Variants in RPIA observed in about 807,000 individuals in gnomAD.
RPIA encodes the protein ribose 5-phosphate isomerase A.
A neutral mutation model predicts 37.8 loss-of-function variants in RPIA; 29 were observed. The ratio of observed to expected loss-of-function variants is 0.77; its 90% confidence interval spans 0.57 to 1.05. The LOEUF is 1.05. RPIA is among the 50% of genes least tolerant of loss of function. RPIA has a pLI of 0.00. For missense variants in RPIA, 385 were observed against 413.6 expected (o/e 0.93, Z 0.60); for synonymous variants, 167 against 157.0 (o/e 1.06, Z -0.48).
chr2:88,698,107 A>G (rs1428288486), intron 1 of RPIA, among the ~76,000 whole-genome samples: 1 of 139,074 alleles, frequency 7.2e-6, no homozygotes. Flanking sequence ...TTTTAAACAC[A>G]CTGTTGCTGG....
At chr2:88,739,270 T>C (rs1413916354) in intron 8 of RPIA, among the ~76,000 whole-genome samples, 1 of 152,196 alleles carries the variant, frequency 6.6e-6, no homozygotes, top group Non-Finnish European at 1.5e-5. Context: ...TTCAGGCCAG[T>C]TTAATGGAGC....
intron 3 of RPIA, among the ~76,000 whole-genome samples, chr2:88,704,798 A>G (rs1298505245): frequency 6.6e-6 from 1 of 152,232 alleles, no homozygotes; most frequent in Non-Finnish European, 1.5e-5. Flanking sequence ...TGCAGATGAC[A>G]TGATTCTGTA....
chr2:88,728,872 A>G (rs1190259331), intron 3 of RPIA, among the ~76,000 whole-genome samples: 3 of 152,232 alleles, frequency 2.0e-5, no homozygotes, highest in Non-Finnish European at 4.4e-5. Flanking sequence ...GTGTCCATTC[A>G]TAATGATCTT....
chr2:88,721,944 G>A (rs561356204), intron 3 of RPIA, among the ~76,000 whole-genome samples: 1 of 145,186 alleles, frequency 6.9e-6, no homozygotes, highest in East Asian at 2.0e-4. Flanking sequence ...ATTATAATTT[G>A]TGTTTAATTA....
chr2:88,742,106 T>C (rs2104143626), intron 8 of RPIA, among the ~76,000 whole-genome samples: 1 of 152,344 alleles, frequency 6.6e-6, no homozygotes, highest in African/African-American at 2.4e-5. Context: ...GCTTTTGGGT[T>C]CTTCGTCATG....
At chr2:88,741,587 C>A (rs1236885831) in intron 8 of RPIA, among the ~76,000 whole-genome samples, 1 of 152,146 alleles carries the variant, frequency 6.6e-6, no homozygotes, top group Non-Finnish European at 1.5e-5. Flanking sequence ...TGGGTAGATA[C>A]CCAGTAGTGG....
chr2:88,745,293 A>G (rs1673427298), intron 8 of RPIA, among the ~76,000 whole-genome samples: 1 of 152,150 alleles, frequency 6.6e-6, no homozygotes, highest in Non-Finnish European at 1.5e-5. Context: ...ATATTGAGAT[A>G]TGAGGTATTA....
intron 3 of RPIA, among the ~76,000 whole-genome samples, chr2:88,706,999 G>A (rs1672905952): frequency 6.6e-6 from 1 of 152,222 alleles, no homozygotes; most frequent in Non-Finnish European, 1.5e-5. Flanking sequence ...AGGAAGAAGA[G>A]GGTTCATATG....
At chr2:88,734,840 A>G (rs1673296199) in intron 5 of RPIA, among the ~76,000 whole-genome samples, 1 of 152,126 alleles carries the variant, frequency 6.6e-6, no homozygotes, top group African/African-American at 2.4e-5. Flanking sequence ...CATTCATCGT[A>G]ATGGATTCTC....
Position 88,691,913 on chromosome 2 carries a change from C to T in RPIA, c.215C>T (p.Pro72Leu). The change falls in exon 1 of 9, where the codon CCC (proline) becomes CTC (leucine). Residue 72 changes from proline (P) to leucine (L), a missense_variant. Physicochemically the swap from Pro to Leu is moderately conservative, Grantham distance 98. This residue lies in a region of RPIA where 232 missense variants were observed against 203.0 expected (regional missense o/e 1.14). Transcript: ENST00000283646. ...CGDSNSICPA[P>L]STMSKAEEAK... The stretch of plus-strand genomic sequence containing the variant: ...GACTCCAACAGCATCTGCCCGGCCC[C>T]CTCCACGATGTCCAAGGCCGAGGAG... The T allele has an allele frequency of 1.3e-6, 2 of 1,595,280 alleles. No individual in the cohort carries two copies. Among genetic ancestry groups the T allele is most frequent in the Non-Finnish European group, 1.7e-6 (2 of 1,171,792 alleles).
intron 3 of RPIA, among the ~76,000 whole-genome samples, chr2:88,709,615 A>C (rs1298386165): frequency 1.3e-5 from 2 of 152,248 alleles, no homozygotes; most frequent in African/African-American, 4.8e-5. Flanking sequence ...AAGGCAAAAC[A>C]AGTCTGTTGT....
At chr2:88,702,774 A>G (rs867072041) in intron 3 of RPIA, among the ~76,000 whole-genome samples, 1 of 152,204 alleles carries the variant, frequency 6.6e-6, no homozygotes. Context: ...TGCCTTCCCA[A>G]TAGTCCCCAA....
intron 8 of RPIA, among the ~76,000 whole-genome samples, chr2:88,747,229 G>A (rs1233947687): frequency 6.6e-6 from 1 of 152,116 alleles, no homozygotes; most frequent in African/African-American, 2.4e-5. Context: ...CAGGGAAGTA[G>A]GAGAAAGCCG....
In RPIA at chr2:88,749,601, T is replaced by C. The variant is rs192170468; in HGVS notation, c.839-380T>C. ...ATAACTGGTAGTGGGGCTCCTTGGC[T>C]GGAGTAGTCATGGAGGGTCTCTAGA... On this transcript the variant is annotated intron_variant, in intron 8 of 8. Transcript: ENST00000283646. Among the ~76,000 whole-genome samples the C allele has an allele frequency of 1.8e-3, 274 of 152,332 alleles. 2 individuals carry two copies. The highest frequency in any genetic ancestry group is 6.5e-3 in the African/African-American group (270 of 41,584).
At chr2:88,703,027 C>T (rs986559171) in intron 3 of RPIA, among the ~76,000 whole-genome samples, 6 of 152,174 alleles carry the variant, frequency 3.9e-5, no homozygotes, top group African/African-American at 7.2e-5. Context: ...AATCTTAAAG[C>T]GCCAAAATGA....
intron 3 of RPIA, among the ~76,000 whole-genome samples, chr2:88,715,370 A>T (rs1479167019): frequency 6.6e-6 from 1 of 152,258 alleles, no homozygotes; most frequent in African/African-American, 2.4e-5. Flanking sequence ...TGAAAAAATC[A>T]TAAGCAATTC....
intron 3 of RPIA, among the ~76,000 whole-genome samples, chr2:88,713,127 T>A (rs1178563380): frequency 1.4e-5 from 2 of 143,726 alleles, no homozygotes; most frequent in African/African-American, 5.1e-5. Context: ...TATATTTTTT[T>A]TTTTTTTTTC....
chr2:88,740,829 GT>G (rs1176325689), intron 8 of RPIA, among the ~76,000 whole-genome samples: 1 of 152,120 alleles, frequency 6.6e-6, no homozygotes, highest in Non-Finnish European at 1.5e-5. Flanking sequence ...TGATTTAACT[GT>G]TTTTTGGATC....
At chr2:88,710,079 C>G (rs1016095361) in intron 3 of RPIA, among the ~76,000 whole-genome samples, 1 of 152,108 alleles carries the variant, frequency 6.6e-6, no homozygotes, top group African/African-American at 2.4e-5. Context: ...CAGGGTCTTG[C>G]TCTGTCACCC....
Sources: gnomAD v4.1 joint callset for allele counts (sites outside exome capture counted in the v4.1 genomes callset) on GRCh38, gnomAD v4.1.1 for gene constraint, gnomAD v4.1.1 regional missense constraint, MANE v1.5 for transcripts, NCBI Gene and HGNC (gene_info 2026-07-23, HGNC 2026-07-21) for gene names.